Variants in LGMN observed in about 807,000 individuals in gnomAD.
LGMN encodes asparaginyl endopeptidase.
A neutral mutation model predicts 56.8 loss-of-function variants in LGMN; 36 were observed. The observed-to-expected ratio is 0.63, with a 90% CI of 0.49 to 0.84. The LOEUF (loss-of-function observed/expected upper bound fraction) is 0.84, where lower values mean the gene tolerates loss of function less well. LGMN is among the 40% of genes least tolerant of loss of function. The pLI is 0.00. For synonymous variants in LGMN, 199 were observed against 210.1 expected, an observed-to-expected ratio of 0.95 and a Z score of 0.46; for missense variants, 446 against 556.1, an observed-to-expected ratio of 0.80 and a Z score of 1.99.
intron 1 of LGMN, among the ~76,000 whole-genome samples, chr14:92,742,613 A>T (rs1388309000): frequency 1.3e-5 from 2 of 152,036 alleles, no homozygotes; most frequent in African/African-American, 4.8e-5. Flanking sequence ...AAAAATACCC[A>T]TGCGTGGCAC....
At position 92,718,992 on chromosome 14, in the gene LGMN, A is replaced by AT. The variant is rs1392889952; in HGVS notation, c.139-149dup. 98 of 581,128 alleles carry AT rather than the reference A, an allele frequency of 1.7e-4. 1 individual carries two copies. The South Asian group carries it at 2.0e-3, about 12-fold the overall frequency. 36.0% of individuals were successfully genotyped at this position (581,128 alleles called of 1,614,324 possible). ...TAAATTATTATTTTAAAACACATACATTGATATTTTTTATCTCAATTTAAA... is the reference window on the plus strand; with the variant it reads ...TAAATTATTATTTTAAAACACATACATTTGATATTTTTTATCTCAATTTAAA... On this transcript the variant is annotated intron_variant, in intron 2 of 13. Transcript: ENST00000334869.
chr14:92,742,387 T>G (rs1187196199), intron 1 of LGMN, among the ~76,000 whole-genome samples: 2 of 134,560 alleles, frequency 1.5e-5, no homozygotes, highest in Non-Finnish European at 3.1e-5. Flanking sequence ...AACCTCCACC[T>G]CCCAGGCTCA....
intron 2 of LGMN, among the ~76,000 whole-genome samples, chr14:92,724,218 C>T (rs117292241): frequency 1.3e-5 from 2 of 152,304 alleles, no homozygotes; most frequent in East Asian, 3.9e-4. Flanking sequence ...GTTCAGAGTG[C>T]CTTGTGTTGT....
intron 2 of LGMN, among the ~76,000 whole-genome samples, chr14:92,719,212 GCCACCAACA>G (rs1566923882): frequency 2.2e-4 from 11 of 48,936 alleles, no homozygotes; most frequent in African/African-American, 6.7e-4. Context: ...CACCACCACC[GCCACCAACA>G]CCACCACCGC....
At chr14:92,735,397 G>T (rs34966045) in intron 1 of LGMN, among the ~76,000 whole-genome samples, 2,549 of 152,296 alleles carry the variant, frequency 0.017, 39 homozygotes, top group Middle Eastern at 0.044. Flanking sequence ...AGTGGAGACA[G>T]GGTTTCGCCA....
In LGMN at chr14:92,704,148, G is replaced by T; in HGVS notation, c.*171C>A. 2 of 785,382 alleles carry T rather than the reference G, an allele frequency of 2.5e-6. No individual in the cohort carries two copies. Among genetic ancestry groups the T allele is most frequent in the Non-Finnish European group, 4.5e-6 (2 of 447,640 alleles). 48.7% of individuals were successfully genotyped at this position (785,382 alleles called of 1,614,324 possible). ...TTTTTCAGAAAAGACTGGGGAAGCA[G>T]GTAACAGCGAGCAAGTCATCTTGTG... On this transcript the variant is annotated 3_prime_UTR_variant, in exon 14 of 14. Transcript: ENST00000334869.
chr14:92,722,174 A>ATTTT (rs534402099), intron 2 of LGMN, among the ~76,000 whole-genome samples: 4 of 146,264 alleles, frequency 2.7e-5, no homozygotes, highest in African/African-American at 1.0e-4. Context: ...TACTAGTATA[A>ATTTT]TTTTTTTTTT....
At position 92,709,892 on chromosome 14, in the gene LGMN, G is replaced by A; in HGVS notation, c.820-20C>T. ...GATTGTCTGGGGAGACAGACAGCAA[G>A]AGAGAGCGAGAGAGAAAGCGAGAGA... On this transcript the variant is annotated intron_variant, in intron 10 of 13. Coordinates refer to ENST00000334869, the MANE Select transcript of LGMN (RefSeq NM_005606.7). The A allele has an allele frequency of 6.4e-7, 1 of 1,555,070 alleles. No individual in the cohort carries two copies. Among genetic ancestry groups the A allele is most frequent in the Non-Finnish European group, 8.8e-7 (1 of 1,141,272 alleles).
At chr14:92,721,240 C>G (rs990877328) in intron 2 of LGMN, among the ~76,000 whole-genome samples, 2 of 152,138 alleles carry the variant, frequency 1.3e-5, no homozygotes, top group African/African-American at 2.4e-5. Flanking sequence ...GAGACAGAGG[C>G]AGGAGTCAGT....
chr14:92,721,641 T>C (rs1161662637), intron 2 of LGMN, among the ~76,000 whole-genome samples: 1 of 152,108 alleles, frequency 6.6e-6, no homozygotes, highest in Non-Finnish European at 1.5e-5. Context: ...GCAATTCTAC[T>C]CCTAGCCATA....
Position 92,713,804 on chromosome 14 carries a change from GC to G in LGMN, c.543+18del, listed in dbSNP as rs781478065. On this transcript the variant is annotated intron_variant, in intron 7 of 13. Coordinates refer to ENST00000334869, the MANE Select transcript of LGMN (RefSeq NM_005606.7). ...TCACACCCCCCGCCCCCACAAGGCT[GC>G]CCCAAGGGCTGAATTACCTTTCGGT... 5.3e-5 allele frequency: 84 copies of G among 1,594,788 alleles called. No individual in the cohort carries two copies. Among genetic ancestry groups the G allele is most frequent in the Non-Finnish European group, 6.2e-5 (72 of 1,162,520 alleles).
Position 92,705,439 on chromosome 14 carries a change from T to C in LGMN, c.1192-732A>G, listed in dbSNP as rs1889379324. Among the ~76,000 whole-genome samples the C allele has an allele frequency of 1.3e-5, 2 of 150,470 alleles. 1 individual carries two copies. The highest frequency in any genetic ancestry group is 4.2e-4 in the South Asian group (2 of 4,724). On this transcript the variant is annotated intron_variant, in intron 12 of 13. Coordinates refer to ENST00000334869, the MANE Select transcript of LGMN (RefSeq NM_005606.7). ...ATTGCTTGAACCCAGGAGGCAGAGG[T>C]TGCAGTGAGCTGAGATCACACCACT...
intron 11 of LGMN, 32 bp from the exon 12 acceptor site, chr14:92,706,685 C>T: frequency 6.5e-7 from 1 of 1,531,000 alleles, no homozygotes; most frequent in Non-Finnish European, 8.9e-7. Flanking sequence ...CAGAATGTGC[C>T]TCCCTGAATG....
intron 2 of LGMN, among the ~76,000 whole-genome samples, chr14:92,723,280 C>T (rs542726535): frequency 4.6e-5 from 7 of 152,118 alleles, no homozygotes; most frequent in Non-Finnish European, 5.9e-5. Context: ...CTCCTGACCT[C>T]GTGATACACC....
intron 13 of LGMN, 110 bp downstream of exon 13, chr14:92,704,529 TG>T: frequency 9.1e-7 from 1 of 1,102,856 alleles, no homozygotes; most frequent in Non-Finnish European, 1.4e-6. Context: ...AGAGGAAAGC[TG>T]GAGGGAGCTC....
At chr14:92,728,412 C>T (rs529273746) in intron 2 of LGMN, among the ~76,000 whole-genome samples, 1 of 152,192 alleles carries the variant, frequency 6.6e-6, no homozygotes, top group Admixed American at 6.5e-5. Flanking sequence ...CTAGGCCATC[C>T]ACCTGTACTG....
intron 2 of LGMN, among the ~76,000 whole-genome samples, chr14:92,725,441 C>T (rs1890694473): frequency 6.6e-6 from 1 of 152,096 alleles, no homozygotes; most frequent in Non-Finnish European, 1.5e-5. Context: ...CCCACGGTTC[C>T]AGCTACTCAA....
intron 1 of LGMN, chr14:92,741,958 T>C (rs1396745956): frequency 6.6e-6 from 1 of 152,154 alleles, no homozygotes; most frequent in Non-Finnish European, 1.5e-5. Context: ...GACCAAACCT[T>C]AGTCAGGCTC....
chr14:92,723,772 C>T (rs1890609002), intron 2 of LGMN, among the ~76,000 whole-genome samples: 1 of 152,074 alleles, frequency 6.6e-6, no homozygotes, highest in South Asian at 2.1e-4. Context: ...TGCTCTGTTG[C>T]CCAGGCTGGA....
Sources: gnomAD v4.1 joint callset for allele counts (sites outside exome capture counted in the v4.1 genomes callset) on GRCh38, gnomAD v4.1.1 for gene constraint, MANE v1.5 for transcripts, NCBI Gene and HGNC (gene_info 2026-07-23, HGNC 2026-07-21) for gene names.